GDI2: variants seen among roughly 807,000 people sequenced by gnomAD.
GDI2 encodes GDP dissociation inhibitor 2.
In GDI2, 22 loss-of-function variants were observed where a neutral mutation model predicts 54.2. That is an observed-to-expected ratio of 0.41 (90% confidence interval 0.29 to 0.58). The LOEUF is 0.58. GDI2 is among the 20% of genes least tolerant of loss of function. The probability of loss-of-function intolerance (pLI) is 0.35; values close to 1 mark genes in which losing one functional copy is unlikely to be tolerated. For missense variants in GDI2, 422 were observed against 546.0 expected, an observed-to-expected ratio of 0.77 and a Z score of 2.26; for synonymous variants, 177 against 182.1, an observed-to-expected ratio of 0.97 and a Z score of 0.23.
chr10:5,765,436 C>T lies in GDI2; in HGVS notation c.*570G>A, dbSNP rs1840294857. On this transcript the variant is annotated 3_prime_UTR_variant, in exon 11 of 11. Transcript: ENST00000380191. ...TCAACTTTATTAGGTTAAAACACCA[C>T]ATACAGGCTTTCTCCAAATGACTCC... 1 of 152,730 alleles carries T rather than the reference C, an allele frequency of 6.5e-6. No individual in the cohort carries two copies. Among genetic ancestry groups the T allele is most frequent in the Admixed American group, 6.5e-5 (1 of 15,268 alleles). The allele number at this position is 152,730 out of a possible 1,614,324, so 9.5% of individuals were successfully genotyped here. A position where few individuals can be genotyped will look rare whatever the true frequency, so the allele number is the denominator to read the frequency against.
Position 5,785,245 on chromosome 10 carries a change from T to C in GDI2, c.616A>G (p.Ile206Val). 1 of 1,603,308 alleles carries C rather than the reference T, an allele frequency of 6.2e-7. No homozygotes were observed. The highest frequency in any genetic ancestry group is 8.5e-7 in the Non-Finnish European group (1 of 1,170,720). Reference protein sequence around the residue: ...DYLDQPCYETINRIKLYSESL... With the variant: ...DYLDQPCYETVNRIKLYSESL... ...TCACTGTAAAGTTTAATTCTATTAATGGTTTCATAACACGGTTGATCTAAG... is the reference window on the plus strand; with the variant it reads ...TCACTGTAAAGTTTAATTCTATTAACGGTTTCATAACACGGTTGATCTAAG... Residue 206 changes from isoleucine (I) to valine (V), a missense_variant, in exon 6 of 11, where the codon ATT becomes GTT. Physicochemically the swap from Ile to Val is conservative, Grantham distance 29. Transcript: ENST00000380191.
intron 1 of GDI2, among the ~76,000 whole-genome samples, chr10:5,801,973 A>C (rs1327118304): frequency 6.6e-6 from 1 of 152,204 alleles, no homozygotes; most frequent in Non-Finnish European, 1.5e-5. Context: ...ACGCCACTGC[A>C]CTCCAGCCTG....
At position 5,776,257 on chromosome 10, in the gene GDI2, C is replaced by A. The variant is rs1840616905; in HGVS notation, c.720-2316G>T. On this transcript the variant is annotated intron_variant, in intron 6 of 10. Transcript: ENST00000380191. The surrounding 1 kb of genome is among the most constrained non-coding windows in gnomAD (Gnocchi z 5.3). ...GGAAACAGCGCCTCCTCATCCAAGA[C>A]AGGTGGAAAAGGGCCCAGCGTGAAA... 24 of 490,094 alleles carry A rather than the reference C, an allele frequency of 4.9e-5. No homozygotes were observed. Among genetic ancestry groups the A allele is most frequent in the South Asian group, 2.3e-4 (10 of 43,666 alleles). 30.4% of individuals were successfully genotyped at this position (490,094 alleles called of 1,614,324 possible).
Position 5,776,159 on chromosome 10 carries a change from C to A in GDI2, c.720-2218G>T. 1 of 291,530 alleles carries A rather than the reference C, an allele frequency of 3.4e-6. No individual in the cohort carries two copies. Among genetic ancestry groups the A allele is most frequent in the Non-Finnish European group, 6.9e-6 (1 of 145,322 alleles). The allele number at this position is 291,530 out of a possible 1,614,324, so 18.1% of individuals were successfully genotyped here. On this transcript the variant is annotated intron_variant, in intron 6 of 10. Coordinates refer to ENST00000380191, the MANE Select transcript of GDI2 (RefSeq NM_001494.4). This position sits in a 1 kb window ranked among gnomAD's most constrained non-coding sequence, Gnocchi z 5.3. The stretch of plus-strand genomic sequence containing the variant: ...GCTATTTCTTGTCACAAAAAGGCTG[C>A]GGCATATCCTTCAGAAGCCGTGAAG...
chr10:5,809,087 A>T (rs557417757), intron 1 of GDI2, among the ~76,000 whole-genome samples: 54 of 152,178 alleles, frequency 3.5e-4, no homozygotes, highest in Admixed American at 3.2e-3. Flanking sequence ...TCTACTAAAA[A>T]TACAAATATT....
intron 7 of GDI2, among the ~76,000 whole-genome samples, chr10:5,772,158 A>T (rs1316522025): frequency 6.6e-6 from 1 of 152,188 alleles, no homozygotes; most frequent in Non-Finnish European, 1.5e-5. Flanking sequence ...GTCCCTGATG[A>T]AGATCTTCCA....
intron 6 of GDI2, among the ~76,000 whole-genome samples, chr10:5,775,780 C>G (rs1332349071): frequency 6.6e-6 from 1 of 152,196 alleles, no homozygotes. Flanking sequence ...AGCTTGCTTA[C>G]TCCAGAGGAG....
chr10:5,799,370 G>A (rs573098082), intron 2 of GDI2, among the ~76,000 whole-genome samples: 14 of 152,228 alleles, frequency 9.2e-5, no homozygotes, highest in Non-Finnish European at 1.5e-4. Context: ...AGAATAAAGC[G>A]CTCGGGCGTG....
intron 4 of GDI2, among the ~76,000 whole-genome samples, chr10:5,794,218 TATATATATATATATAA>T (rs1192595284): frequency 4.7e-5 from 5 of 106,750 alleles, no homozygotes; most frequent in African/African-American, 1.4e-4. Context: ...TATATATATA[TATATATATATATATAA>T]AACTCACCAG....
chr10:5,793,207 C>T (rs1326306954), intron 4 of GDI2, among the ~76,000 whole-genome samples: 1 of 152,004 alleles, frequency 6.6e-6, no homozygotes, highest in Non-Finnish European at 1.5e-5. Flanking sequence ...GTTGCCCAGG[C>T]TGGTCTTCAA....
chr10:5,812,988 G>C (rs1036424560), intron 1 of GDI2, among the ~76,000 whole-genome samples: 4 of 152,144 alleles, frequency 2.6e-5, no homozygotes, highest in African/African-American at 7.2e-5. Context: ...CTCACGGCCC[G>C]CATCTCCATT....
At chr10:5,804,932 C>T (rs1049894345) in intron 1 of GDI2, among the ~76,000 whole-genome samples, 2 of 151,664 alleles carry the variant, frequency 1.3e-5, no homozygotes, top group African/African-American at 2.4e-5. Flanking sequence ...CTCCTGGGTT[C>T]AAGCGATTCT....
rs371428371 is a variant in GDI2 at position 5,811,386 on chromosome 10, TCTTAA to T, written c.45+1823_45+1827del. 1.1e-4 allele frequency among the ~76,000 whole-genome samples: 17 copies of T among 152,310 alleles called. No individual in the cohort carries two copies. In the East Asian group the frequency reaches 1.2e-3, roughly 10 times the overall value. ...ATGAAAATTTAAACAAAGCTCATTA[TCTTAA>T]CTTGTTATATAAAAACACTTTCACC... is the stretch of plus-strand genomic sequence containing the variant. On this transcript the variant is annotated intron_variant, in intron 1 of 10. Coordinates refer to ENST00000380191, the MANE Select transcript of GDI2 (RefSeq NM_001494.4).
chr10:5,802,795 A>G (rs553258428), intron 1 of GDI2, among the ~76,000 whole-genome samples: 7 of 152,306 alleles, frequency 4.6e-5, no homozygotes, highest in South Asian at 2.1e-4. Flanking sequence ...ATAACGGGTG[A>G]ATGAAATTAC....
chr10:5,784,632 T>C (rs928556735), intron 6 of GDI2, among the ~76,000 whole-genome samples: 11 of 152,256 alleles, frequency 7.2e-5, no homozygotes, highest in African/African-American at 2.7e-4. Context: ...CTTGATGTGG[T>C]GCTCTCCCCT....
intron 1 of GDI2, among the ~76,000 whole-genome samples, chr10:5,802,463 G>A (rs1588987527): frequency 6.6e-6 from 1 of 152,078 alleles, no homozygotes; most frequent in Non-Finnish European, 1.5e-5. Context: ...GCTGGGCATG[G>A]TGGCGCATGC....
Position 5,776,510 on chromosome 10 carries a change from T to G in GDI2, c.720-2569A>C. On this transcript the variant is annotated intron_variant, in intron 6 of 10. Transcript: ENST00000380191. The surrounding 1 kb of genome is among the most constrained non-coding windows in gnomAD (Gnocchi z 5.3). ...GTATTAGAAGCAAAGGCCCGAAAGA[T>G]AAAACAATTATAGAGAAGCAGATTT... is the stretch of plus-strand genomic sequence containing the variant. 7.2e-7 allele frequency: 1 copy of G among 1,386,036 alleles called. No individual in the cohort carries two copies. The highest frequency in any genetic ancestry group is 1.0e-6 in the Non-Finnish European group (1 of 976,460). The allele number at this position is 1,386,036 out of a possible 1,614,324, so 85.9% of individuals were successfully genotyped here.
Position 5,771,331 on chromosome 10 carries a change from A to G in GDI2, c.819+2511T>C, listed in dbSNP as rs148493943. Among the ~76,000 whole-genome samples, 189 of 152,324 alleles carry G rather than the reference A, an allele frequency of 1.2e-3. 3 individuals are homozygous for G. In the East Asian group the frequency reaches 0.027, roughly 22 times the overall value. On this transcript the variant is annotated intron_variant, in intron 7 of 10. Transcript: ENST00000380191. ...TCAAATCCTGGCTCTACCTAACCTC[A>G]AAGGATTGTTGTTAGTACTAAAATT...
chr10:5,785,102 G>A, intron 6 of GDI2, 40 bp downstream of exon 6: 1 of 1,461,990 alleles, frequency 6.8e-7, no homozygotes, highest in Non-Finnish European at 9.3e-7. Context: ...TGTTGAAGAT[G>A]AGGTTTTGGA....
Sources: gnomAD v4.1 joint callset for allele counts (sites outside exome capture counted in the v4.1 genomes callset) on GRCh38, gnomAD v4.1.1 for gene constraint, Gnocchi (gnomAD v3.1) non-coding constraint, MANE v1.5 for transcripts, NCBI Gene and HGNC (gene_info 2026-07-23, HGNC 2026-07-21) for gene names.